Variants in EVC observed in about 807,000 individuals in gnomAD.
The protein encoded by EVC is evC complex member EVC.
In EVC, 116 loss-of-function variants were observed where a neutral mutation model predicts 118.9. That is an observed-to-expected ratio of 0.98 (90% confidence interval 0.84 to 1.14). The LOEUF is 1.14. EVC is among the 50% of genes most tolerant of loss of function. The pLI is 0.00. For missense variants in EVC, 1,401 were observed against 1,246.4 expected (o/e 1.12, Z -1.87); for synonymous variants, 619 against 534.7 (o/e 1.16, Z -2.18).
At chr4:5,774,253 A>G (rs373026705) in intron 11 of EVC, among the ~76,000 whole-genome samples, 3 of 151,530 alleles carry the variant, frequency 2.0e-5, no homozygotes, top group East Asian at 3.9e-4. Context: ...CAAACAACTG[A>G]AACAAAAACT....
At chr4:5,747,435 C>G (rs892820016) in intron 7 of EVC, among the ~76,000 whole-genome samples, 2 of 152,184 alleles carry the variant, frequency 1.3e-5, no homozygotes, top group African/African-American at 2.4e-5. Flanking sequence ...CTAACTCCCC[C>G]GAGCCTGTTC....
At chr4:5,740,597 A>G (rs1470360417) in intron 5 of EVC, among the ~76,000 whole-genome samples, 1 of 152,216 alleles carries the variant, frequency 6.6e-6, no homozygotes, top group Admixed American at 6.5e-5. Context: ...ACTGGAATTC[A>G]TCAAAATTAA....
chr4:5,762,127 C>T (rs1732149161), intron 11 of EVC, among the ~76,000 whole-genome samples: 1 of 138,614 alleles, frequency 7.2e-6, no homozygotes, highest in South Asian at 2.6e-4. Flanking sequence ...GTTCAATTCC[C>T]ACCTATGAGT....
rs1343329692 is a variant in EVC, at chr4:5,743,245, G to T, written c.801+1431G>T. ...CCTGCCGGTTTCTTCACTTTATCCT[G>T]TCTGGACCAGATCCCATTTTGATCA... On this transcript the variant is annotated intron_variant, in intron 6 of 20. Coordinates refer to ENST00000264956, the MANE Select transcript of EVC (RefSeq NM_153717.3). The surrounding 1 kb of genome is among the most constrained non-coding windows in gnomAD (Gnocchi z 4.7). Among the ~76,000 whole-genome samples the T allele has an allele frequency of 6.6e-6, 1 of 152,012 alleles. No individual in the cohort carries two copies. The highest frequency in any genetic ancestry group is 2.4e-5 in the African/African-American group (1 of 41,386).
chr4:5,759,110 C>T (rs1194978176), intron 11 of EVC, among the ~76,000 whole-genome samples: 1 of 152,056 alleles, frequency 6.6e-6, no homozygotes, highest in Non-Finnish European at 1.5e-5. Flanking sequence ...GGCACAGTAG[C>T]TGTACACACT....
rs1244500734 is a variant in EVC, at chr4:5,779,292, T to C, written c.1564-4260T>C. 2.6e-5 allele frequency among the ~76,000 whole-genome samples: 4 copies of C among 152,274 alleles called. No individual in the cohort carries two copies. In the South Asian group the frequency reaches 8.3e-4, roughly 32 times the overall value. ...GGTAGCGTGATGCCTCCAGCTTTGT[T>C]CTTTTGGCTTAGGATTGACTTGGCG... On this transcript the variant is annotated intron_variant, in intron 11 of 20. Coordinates refer to ENST00000264956, the MANE Select transcript of EVC (RefSeq NM_153717.3).
rs747433971 is a variant in EVC at position 5,809,604 on chromosome 4, G to A, written c.2775G>A (p.Gly925=). 1 of 1,614,106 alleles carries A rather than the reference G, an allele frequency of 6.2e-7. No homozygotes were observed. Among genetic ancestry groups the A allele is most frequent in the Non-Finnish European group, 8.5e-7 (1 of 1,180,012 alleles). The change falls in exon 19 of 21, where the codon GGG becomes GGA. Residue 925 remains glycine, a synonymous_variant. Coordinates refer to ENST00000264956, the MANE Select transcript of EVC (RefSeq NM_153717.3). Reference sequence around the variant, plus strand: ...GCAAACTGTTGCCTGCTAAGCGTGGGCTGCTAGGTGAGTCACAGATGCTTG... The same window carrying A: ...GCAAACTGTTGCCTGCTAAGCGTGGACTGCTAGGTGAGTCACAGATGCTTG... ...AESKLLPAKR[G]LLEKPLRTKR... is the part of the protein sequence containing the mutation.
intron 17 of EVC, among the ~76,000 whole-genome samples, chr4:5,805,101 C>G (rs2152376607): frequency 2.0e-5 from 3 of 152,278 alleles, no homozygotes; most frequent in African/African-American, 7.2e-5. Flanking sequence ...ACAGCCCGGA[C>G]ACAGGTCTAA....
chr4:5,783,543 C>T lies in EVC; in HGVS notation c.1564-9C>T, dbSNP rs1361893356. On this transcript the variant is annotated splice_polypyrimidine_tract_variant and intron_variant, in intron 11 of 20. Transcript: ENST00000264956. ...GACCTGTAACCCCATCTGTGGTTCTCCGCTCCAGGAGCTGTACTTCAGCAC... is the reference window on the plus strand; with the variant it reads ...GACCTGTAACCCCATCTGTGGTTCTTCGCTCCAGGAGCTGTACTTCAGCAC... 6.2e-7 allele frequency: 1 copy of T among 1,614,050 alleles called. No homozygotes were observed.
intron 12 of EVC, among the ~76,000 whole-genome samples, chr4:5,790,559 C>T (rs1228897920): frequency 1.3e-5 from 2 of 152,112 alleles, no homozygotes; most frequent in Admixed American, 1.3e-4. Flanking sequence ...TTAGGTGCAT[C>T]TGGTGATGTG....
chr4:5,808,139 C>CAA, intron 17 of EVC, 62 bp from the exon 18 acceptor site: 2 of 547,146 alleles, frequency 3.7e-6, no homozygotes, highest in Non-Finnish European at 6.9e-6. Flanking sequence ...TTCTCCCTCC[C>CAA]TCCCTCCCTC....
intron 11 of EVC, among the ~76,000 whole-genome samples, chr4:5,772,872 G>T (rs1734197557): frequency 1.3e-5 from 2 of 152,124 alleles, no homozygotes; most frequent in African/African-American, 4.8e-5. Context: ...GCTTTGCCTA[G>T]CCAGCTCATT....
intron 2 of EVC, among the ~76,000 whole-genome samples, chr4:5,728,519 A>G (rs1243699757): frequency 6.6e-6 from 1 of 152,096 alleles, no homozygotes; most frequent in Non-Finnish European, 1.5e-5. Context: ...TCGTCTGCAA[A>G]CAGGGACAAT....
Position 5,810,383 on chromosome 4 carries a change from A to C in EVC, c.2827A>C (p.Arg943=), listed in dbSNP as rs760434057. The C allele has an allele frequency of 6.2e-7, 1 of 1,613,962 alleles. No individual in the cohort carries two copies. The highest frequency in any genetic ancestry group is 8.5e-7 in the Non-Finnish European group (1 of 1,179,970). The change falls in exon 20 of 21, where the codon AGA becomes CGA. Residue 943 remains arginine, a synonymous_variant. Transcript: ENST00000264956. Reference sequence around the variant, plus strand: ...AAGGAAGAAGCCCCTGCCCCAGGAAAGAGGGGACCTGGGGGTGCCCAACAA... The same window carrying C: ...AAGGAAGAAGCCCCTGCCCCAGGAACGAGGGGACCTGGGGGTGCCCAACAA... ...TKRKKPLPQE[R]GDLGVPNNED...
rs73795074 is a variant in EVC at position 5,780,874 on chromosome 4, C to T, written c.1564-2678C>T. ...ATCAGCAAAGGGAAAAGCTACAAGG[C>T]GTAAAATCCAGAGGAAACCAGGCAC... On this transcript the variant is annotated intron_variant, in intron 11 of 20. Transcript: ENST00000264956. Among the ~76,000 whole-genome samples, 240 of 152,294 alleles carry T rather than the reference C, an allele frequency of 1.6e-3. 1 individual carries two copies. The highest frequency in any genetic ancestry group is 5.3e-3 in the African/African-American group (222 of 41,560).
chr4:5,717,957 C>T (rs1348482879), intron 1 of EVC, among the ~76,000 whole-genome samples: 4 of 152,182 alleles, frequency 2.6e-5, no homozygotes, highest in African/African-American at 9.7e-5. Flanking sequence ...TACTCTATTC[C>T]CAGTACCTAG....
intron 17 of EVC, 46 bp downstream of exon 17, chr4:5,804,887 T>C: frequency 6.7e-7 from 1 of 1,491,150 alleles, no homozygotes; most frequent in Non-Finnish European, 9.3e-7. Context: ...CTCTACCCCA[T>C]TCACATGGCA....
chr4:5,718,061 A>G (rs573777767), intron 1 of EVC, among the ~76,000 whole-genome samples: 4 of 152,342 alleles, frequency 2.6e-5, no homozygotes, highest in East Asian at 1.9e-4. Flanking sequence ...GATTATATTC[A>G]TGAGCAGGTA....
intron 15 of EVC, among the ~76,000 whole-genome samples, chr4:5,799,652 G>T (rs1714615586): frequency 6.6e-6 from 1 of 152,166 alleles, no homozygotes; most frequent in South Asian, 2.1e-4. Context: ...ACAGCAGCAG[G>T]TTACAGCCCT....
Sources: allele counts gnomAD v4.1 joint callset (sites outside exome capture counted in the v4.1 genomes callset), GRCh38; gene constraint gnomAD v4.1.1; non-coding constraint Gnocchi (gnomAD v3.1); transcripts MANE v1.5; gene names NCBI Gene and HGNC (gene_info 2026-07-23, HGNC 2026-07-21).